The following UNC5D variants were observed in gnomAD, a reference collection of about 807,000 sequenced individuals.
The protein encoded by UNC5D is unc-5 netrin receptor D.
Under a neutral mutation model 105.4 loss-of-function variants are expected in UNC5D, and 39 were observed. The observed-to-expected ratio is 0.37, with a 90% CI of 0.29 to 0.48. The LOEUF (loss-of-function observed/expected upper bound fraction) is 0.48, where lower values mean the gene tolerates loss of function less well. UNC5D is among the 20% of genes least tolerant of loss of function. UNC5D has a pLI of 0.98. For synonymous variants in UNC5D, 452 were observed against 450.4 expected, an observed-to-expected ratio of 1.00 and a Z score of -0.04; for missense variants, 991 against 1,202.4, an observed-to-expected ratio of 0.82 and a Z score of 2.60.
chr8:35,393,820 A>G (rs930027945), intron 1 of UNC5D, among the ~76,000 whole-genome samples: 1 of 152,214 alleles, frequency 6.6e-6, no homozygotes, highest in African/African-American at 2.4e-5. Context: ...GGCCTGTTTT[A>G]AGGAAAGGGA....
At chr8:35,618,580 T>A (rs983619048) in intron 4 of UNC5D, among the ~76,000 whole-genome samples, 1 of 152,230 alleles carries the variant, frequency 6.6e-6, no homozygotes. Flanking sequence ...TTACTGATGA[T>A]CATGGTTAGT....
intron 4 of UNC5D, among the ~76,000 whole-genome samples, chr8:35,663,162 T>C (rs1206667485): frequency 6.6e-6 from 1 of 152,158 alleles, no homozygotes; most frequent in Non-Finnish European, 1.5e-5. Context: ...TACCAGCCAG[T>C]GTGTACAGAT....
chr8:35,760,422 TAA>T (rs533251430), intron 14 of UNC5D, among the ~76,000 whole-genome samples: 8 of 147,476 alleles, frequency 5.4e-5, no homozygotes, highest in African/African-American at 1.5e-4. Context: ...ATTAGAGATT[TAA>T]AAAAAAAAAA....
At chr8:35,495,406 C>T (rs1811491147) in intron 1 of UNC5D, among the ~76,000 whole-genome samples, 1 of 132,592 alleles carries the variant, frequency 7.5e-6, no homozygotes, top group East Asian at 2.3e-4. Flanking sequence ...GAAGGATTGT[C>T]TTGGGCCACA....
At chr8:35,345,033 A>G (rs1173901828) in intron 1 of UNC5D, among the ~76,000 whole-genome samples, 2 of 152,170 alleles carry the variant, frequency 1.3e-5, no homozygotes, top group East Asian at 3.9e-4. Flanking sequence ...TGCCAAAAGG[A>G]TTATACAGTG....
At position 35,288,508 on chromosome 8, in the gene UNC5D, AG is replaced by A. The variant is rs1484525029; in HGVS notation, c.103+52622del. Reference sequence around the variant, plus strand: ...GAAAGAAAAGGCTTTTAATAACAAAAGATATGTGAATGTAAAAAACTCTTTG... The same window carrying A: ...GAAAGAAAAGGCTTTTAATAACAAAAATATGTGAATGTAAAAAACTCTTTG... On this transcript the variant is annotated intron_variant, in intron 1 of 16. Coordinates refer to ENST00000404895, the MANE Select transcript of UNC5D (RefSeq NM_080872.4). Among the ~76,000 whole-genome samples the A allele has an allele frequency of 3.9e-5, 6 of 152,326 alleles. No homozygotes were observed. In the South Asian group the frequency reaches 1.2e-3, roughly 32 times the overall value.
intron 3 of UNC5D, 89 bp downstream of exon 3, chr8:35,568,330 T>C: frequency 1.3e-6 from 2 of 1,485,934 alleles, no homozygotes; most frequent in Non-Finnish European, 1.8e-6. Context: ...GTCAGATGCT[T>C]CTACAGAATG....
At chr8:35,490,907 G>A (rs1255917495) in intron 1 of UNC5D, among the ~76,000 whole-genome samples, 1 of 151,294 alleles carries the variant, frequency 6.6e-6, no homozygotes, top group South Asian at 2.1e-4. Context: ...ACTATTTCTG[G>A]TCTTTTCTTT....
rs145401367 is a variant in UNC5D at position 35,720,671 on chromosome 8, C to T, written c.1118-1539C>T. The stretch of plus-strand genomic sequence containing the variant: ...AAACTGAGGCTGACGTTTATCAACT[C>T]AGCCATGGTTATGAGTGGTTGGAGA... On this transcript the variant is annotated intron_variant, in intron 8 of 16. Transcript: ENST00000404895. Among the ~76,000 whole-genome samples, 5 of 152,286 alleles carry T rather than the reference C, an allele frequency of 3.3e-5. No individual in the cohort carries two copies. The East Asian group carries it at 7.7e-4, about 24-fold the overall frequency.
At chr8:35,527,389 A>G (rs1433914235) in intron 1 of UNC5D, among the ~76,000 whole-genome samples, 2 of 152,184 alleles carry the variant, frequency 1.3e-5, no homozygotes, top group Admixed American at 1.3e-4. Context: ...AGAGAAACTT[A>G]TTGCTCAAAG....
At chr8:35,625,902 G>T (rs1821673308) in intron 4 of UNC5D, among the ~76,000 whole-genome samples, 2 of 152,194 alleles carry the variant, frequency 1.3e-5, no homozygotes, top group Admixed American at 6.5e-5. Context: ...AAGTAAGCAA[G>T]ACTGGTTTTG....
chr8:35,249,027 T>A (rs1585410989), intron 1 of UNC5D, among the ~76,000 whole-genome samples: 1 of 32,648 alleles, frequency 3.1e-5, no homozygotes, highest in African/African-American at 6.2e-5. Flanking sequence ...TTATATATGT[T>A]TATATAATAT....
chr8:35,668,013 AGTT>A (rs1427626039), intron 4 of UNC5D, among the ~76,000 whole-genome samples: 1 of 152,144 alleles, frequency 6.6e-6, no homozygotes, highest in Admixed American at 6.6e-5. Context: ...TTTTGATAAA[AGTT>A]GTTAAGATTG....
At chr8:35,256,971 T>TG (rs201253684) in intron 1 of UNC5D, among the ~76,000 whole-genome samples, 88 of 149,760 alleles carry the variant, frequency 5.9e-4, no homozygotes, top group Middle Eastern at 3.4e-3. Context: ...TTTTTTTTTT[T>TG]TTTTGTTTTT....
rs146403186 is a variant in UNC5D, at chr8:35,439,626, A to C, written c.104-109666A>C. 3.0e-3 allele frequency among the ~76,000 whole-genome samples: 453 copies of C among 152,198 alleles called. 2 individuals carry two copies. The highest frequency in any genetic ancestry group is 0.01 in the African/African-American group (428 of 41,556). Reference sequence around the variant, plus strand: ...TCAGGCTTCATTTTCTCCACCTGCCAAAGCCATGGGATAGACTAAGGTATA... The same window carrying C: ...TCAGGCTTCATTTTCTCCACCTGCCCAAGCCATGGGATAGACTAAGGTATA... On this transcript the variant is annotated intron_variant, in intron 1 of 16. Transcript: ENST00000404895.
chr8:35,379,132 G>A (rs934843662), intron 1 of UNC5D, among the ~76,000 whole-genome samples: 1 of 152,120 alleles, frequency 6.6e-6, no homozygotes, highest in African/African-American at 2.4e-5. Context: ...CATTAGAGTG[G>A]TGGTCTCTTG....
intron 2 of UNC5D, among the ~76,000 whole-genome samples, chr8:35,564,728 T>A (rs966290338): frequency 2.0e-5 from 3 of 152,124 alleles, no homozygotes; most frequent in African/African-American, 7.2e-5. Flanking sequence ...ATAAGTAGTT[T>A]TATATCCCTC....
chr8:35,262,610 T>C (rs1007357995), intron 1 of UNC5D, among the ~76,000 whole-genome samples: 4 of 152,308 alleles, frequency 2.6e-5, no homozygotes, highest in South Asian at 2.1e-4. Context: ...AAGGGCTTCA[T>C]TGGAGAGCCA....
intron 4 of UNC5D, among the ~76,000 whole-genome samples, chr8:35,656,785 GCAGCACAGTT>G (rs2131208346): frequency 6.6e-6 from 1 of 152,070 alleles, no homozygotes; most frequent in African/African-American, 2.4e-5. Context: ...GGGAGCTTTA[GCAGCACAGTT>G]CAGGAAGAAT....
Sources: allele counts gnomAD v4.1 joint callset (sites outside exome capture counted in the v4.1 genomes callset), GRCh38; gene constraint gnomAD v4.1.1; transcripts MANE v1.5; gene names NCBI Gene and HGNC (gene_info 2026-07-23, HGNC 2026-07-21).